TRDN: variants seen among roughly 807,000 people sequenced by gnomAD.
TRDN encodes triadin.
Under a neutral mutation model 149.7 loss-of-function variants are expected in TRDN, and 161 were observed. The observed-to-expected ratio is 1.08, with a 90% CI of 0.95 to 1.23. The LOEUF is 1.23. Among genes scored for constraint, TRDN ranks in the 50% most tolerant of loss-of-function variants. TRDN has a pLI of 0.00. For synonymous variants in TRDN, 294 were observed against 250.5 expected, an observed-to-expected ratio of 1.17 and a Z score of -1.64; for missense variants, 896 against 823.5, an observed-to-expected ratio of 1.09 and a Z score of -1.08.
Position 123,598,094 on chromosome 6 carries a change from G to T in TRDN, c.23-26962C>A, listed in dbSNP as rs561866145. ...TTGTGGATGGAGCAGCAAACTGGGT[G>T]CTGGAAGAAGAGTTTGCTGGGGACC... On this transcript the variant is annotated intron_variant, in intron 1 of 40. Coordinates refer to ENST00000334268, the MANE Select transcript of TRDN (RefSeq NM_006073.4). Among the ~76,000 whole-genome samples the T allele has an allele frequency of 2.6e-5, 4 of 152,208 alleles. No homozygotes were observed. The East Asian group carries it at 7.7e-4, about 29-fold the overall frequency.
rs183068128 is a variant in TRDN at position 123,355,351 on chromosome 6, C to T, written c.1322-2765G>A. Among the ~76,000 whole-genome samples the T allele has an allele frequency of 1.3e-4, 19 of 151,690 alleles. No homozygotes were observed. The East Asian group carries it at 2.9e-3, about 23-fold the overall frequency. On this transcript the variant is annotated intron_variant, in intron 20 of 40. Coordinates refer to ENST00000334268, the MANE Select transcript of TRDN (RefSeq NM_006073.4). Reference sequence around the variant, plus strand: ...TATTTAAAAAGATTTGCCTCCACCACGGTTATAAGATATTCTAAATTTTCC... The same window carrying T: ...TATTTAAAAAGATTTGCCTCCACCATGGTTATAAGATATTCTAAATTTTCC...
intron 12 of TRDN, among the ~76,000 whole-genome samples, chr6:123,398,041 G>A (rs542972523): frequency 3.3e-5 from 5 of 152,272 alleles, no homozygotes; most frequent in East Asian, 1.9e-4. Flanking sequence ...GTCTCACTCC[G>A]TCGCCCAGGC....
chr6:123,488,330 G>A (rs985470829), intron 9 of TRDN, among the ~76,000 whole-genome samples: 15 of 152,028 alleles, frequency 9.9e-5, no homozygotes, highest in African/African-American at 2.9e-4. Flanking sequence ...AATGATATTT[G>A]GACTAGAATC....
At chr6:123,352,455 C>G (rs902361775) in intron 21 of TRDN, 84 bp downstream of exon 21, 23 of 1,570,264 alleles carry the variant, frequency 1.5e-5, no homozygotes, top group Non-Finnish European at 1.7e-5. Flanking sequence ...TTATTGTCTT[C>G]CGCCTGTCTG....
intron 20 of TRDN, among the ~76,000 whole-genome samples, chr6:123,354,994 A>G (rs1045287207): frequency 6.6e-6 from 1 of 151,766 alleles, no homozygotes; most frequent in Non-Finnish European, 1.5e-5. Context: ...CAGTAGTATC[A>G]CATTTTGGCT....
chr6:123,252,414 G>T lies in TRDN; in HGVS notation c.1973C>A (p.Ser658Ter). ...TCATTAATACAAACCGTACTTACTT[G>T]ATACTCTTGCAGGTTTTTCTGCTAA... The part of the protein sequence containing the change: ...VTKAEKPARV[S>*]KDVEDVPASK... Residue 658 changes from serine to a stop codon, truncating the protein, a stop_gained and splice_region_variant, in exon 38 of 41, where the codon TCA becomes TAA. Transcript: ENST00000334268. LOFTEE classifies it high-confidence loss of function. The T allele has an allele frequency of 6.6e-7, 1 of 1,518,152 alleles. No individual in the cohort carries two copies. The allele number at this position is 1,518,152 out of a possible 1,614,324, so 94.0% of individuals were successfully genotyped here. A position where few individuals can be genotyped will look rare whatever the true frequency, so the allele number is the denominator to read the frequency against.
chr6:123,480,882 A>G (rs2114768911), intron 9 of TRDN, among the ~76,000 whole-genome samples: 1 of 152,158 alleles, frequency 6.6e-6, no homozygotes, highest in South Asian at 2.1e-4. Context: ...ATTCTACTAA[A>G]AAGGTTATTG....
chr6:123,566,459 C>T (rs1210671345), intron 2 of TRDN, among the ~76,000 whole-genome samples: 1 of 152,040 alleles, frequency 6.6e-6, no homozygotes, highest in African/African-American at 2.4e-5. Context: ...TAAAGGTTGC[C>T]CAGAAGAGAA....
At chr6:123,221,103 T>C (rs1318264535) in intron 40 of TRDN, among the ~76,000 whole-genome samples, 1 of 151,796 alleles carries the variant, frequency 6.6e-6, no homozygotes, top group Non-Finnish European at 1.5e-5. Context: ...ATTGAATTGC[T>C]AAAACCTATT....
chr6:123,231,161 C>T (rs10457444), intron 38 of TRDN, among the ~76,000 whole-genome samples: 60,664 of 151,758 alleles, frequency 0.4, 13,054 homozygotes, highest in Middle Eastern at 0.55. Flanking sequence ...AAGCACTTTG[C>T]TCTGTGCCCT....
At chr6:123,598,721 G>A (rs543622188) in intron 1 of TRDN, among the ~76,000 whole-genome samples, 81 of 152,170 alleles carry the variant, frequency 5.3e-4, no homozygotes, top group African/African-American at 1.9e-3. Flanking sequence ...TTGAGCAAGA[G>A]TGATATAGAC....
At chr6:123,494,379 A>T (rs1778345486) in intron 9 of TRDN, among the ~76,000 whole-genome samples, 1 of 152,166 alleles carries the variant, frequency 6.6e-6, no homozygotes, top group Admixed American at 6.5e-5. Flanking sequence ...AATGATTGGT[A>T]TTGCGACTAT....
intron 39 of TRDN, among the ~76,000 whole-genome samples, chr6:123,222,969 T>G (rs535523461): frequency 6.6e-6 from 1 of 151,952 alleles, no homozygotes; most frequent in African/African-American, 2.4e-5. Flanking sequence ...CCAGTAAGCA[T>G]GGCTATTATG....
intron 21 of TRDN, among the ~76,000 whole-genome samples, chr6:123,338,428 A>C (rs1318372876): frequency 6.6e-6 from 1 of 152,174 alleles, no homozygotes; most frequent in Non-Finnish European, 1.5e-5. Flanking sequence ...TTCACCTGCT[A>C]ATCTAGTGAC....
At chr6:123,273,931 T>G (rs2114617577) in intron 27 of TRDN, among the ~76,000 whole-genome samples, 1 of 152,210 alleles carries the variant, frequency 6.6e-6, no homozygotes, top group Non-Finnish European at 1.5e-5. Context: ...GGTCATACTT[T>G]TTTTTAGGTC....
At chr6:123,476,033 A>G (rs1009259705) in intron 9 of TRDN, among the ~76,000 whole-genome samples, 3 of 134,214 alleles carry the variant, frequency 2.2e-5, no homozygotes, top group African/African-American at 8.4e-5. Flanking sequence ...ACTCCTATTC[A>G]ACATAGTGTT....
intron 37 of TRDN, among the ~76,000 whole-genome samples, chr6:123,253,935 G>A (rs1170240758): frequency 2.0e-5 from 3 of 152,092 alleles, no homozygotes; most frequent in Admixed American, 6.6e-5. Flanking sequence ...ACTGAAGTAC[G>A]AATAGATGGC....
rs10547981 is a variant in TRDN, at chr6:123,551,203, GATATATATAT to G, written c.233-2601_233-2592del. Among the ~76,000 whole-genome samples the G allele has an allele frequency of 9.3e-5, 11 of 118,114 alleles. 1 individual carries two copies. Among genetic ancestry groups the G allele is most frequent in the Non-Finnish European group, 1.9e-4 (10 of 53,350 alleles). 77.5% of individuals were successfully genotyped at this position (118,114 alleles called of 152,430 possible). ...TTAAATGCACTGTATGTATTTTGCAGATATATATATATATATATATTGCCTGGTTCTAAAA... is the reference window on the plus strand; with the variant it reads ...TTAAATGCACTGTATGTATTTTGCAGATATATATATTGCCTGGTTCTAAAA... On this transcript the variant is annotated intron_variant, in intron 2 of 40. Transcript: ENST00000334268.
intron 19 of TRDN, among the ~76,000 whole-genome samples, chr6:123,367,401 C>T (rs1295467832): frequency 2.0e-5 from 3 of 152,050 alleles, no homozygotes; most frequent in Non-Finnish European, 4.4e-5. Flanking sequence ...TCAAACAAGG[C>T]GAGCCTTTAC....
Sources: allele counts gnomAD v4.1 joint callset (sites outside exome capture counted in the v4.1 genomes callset), GRCh38; gene constraint gnomAD v4.1.1; transcripts MANE v1.5; gene names NCBI Gene and HGNC (gene_info 2026-07-23, HGNC 2026-07-21).